Variants in KCNH7 observed in about 807,000 individuals in gnomAD.
KCNH7 encodes potassium voltage-gated channel subfamily H member 7.
In KCNH7, 49 loss-of-function variants were observed where a neutral mutation model predicts 120.8. The observed-to-expected ratio is 0.41, with a 90% CI of 0.32 to 0.51. KCNH7 has a LOEUF of 0.51. Among genes scored for constraint, KCNH7 ranks in the 20% least tolerant of loss-of-function variants. The pLI is 0.38. For synonymous variants in KCNH7, 547 were observed against 516.1 expected (o/e 1.06, Z -0.81); for missense variants, 1,097 against 1,446.6 (o/e 0.76, Z 3.92).
chr2:162,634,492 G>C (rs1366885581), intron 2 of KCNH7, among the ~76,000 whole-genome samples: 1 of 152,060 alleles, frequency 6.6e-6, no homozygotes, highest in East Asian at 1.9e-4. Context: ...AACAACTACA[G>C]TAGTATCAGC....
chr2:162,525,216 C>T (rs1051436810), intron 3 of KCNH7, among the ~76,000 whole-genome samples: 6 of 151,816 alleles, frequency 4.0e-5, no homozygotes, highest in Non-Finnish European at 8.8e-5. Flanking sequence ...AGGATAGGAC[C>T]AAATTGGAAT....
chr2:162,688,108 C>T (rs1685961614), intron 2 of KCNH7, among the ~76,000 whole-genome samples: 1 of 152,112 alleles, frequency 6.6e-6, no homozygotes, highest in African/African-American at 2.4e-5. Flanking sequence ...GAATACAGGG[C>T]TAACTCTATT....
At chr2:162,813,743 C>G (rs890630782) in intron 2 of KCNH7, among the ~76,000 whole-genome samples, 3 of 152,120 alleles carry the variant, frequency 2.0e-5, no homozygotes, top group Non-Finnish European at 2.9e-5. Context: ...CATGCCCTAG[C>G]TTTATTTAGG....
Position 162,577,327 on chromosome 2 carries a change from A to G in KCNH7, c.308-40247T>C, listed in dbSNP as rs867534550. ...TATCTATCTATCTATCTATCTATCTATCTGTCTATCATCTATCCATCCTAT... is the reference window on the plus strand; with the variant it reads ...TATCTATCTATCTATCTATCTATCTGTCTGTCTATCATCTATCCATCCTAT... On this transcript the variant is annotated intron_variant, in intron 2 of 15. Transcript: ENST00000332142. Among the ~76,000 whole-genome samples, 6 of 137,338 alleles carry G rather than the reference A, an allele frequency of 4.4e-5. 1 individual carries two copies. Among genetic ancestry groups the G allele is most frequent in the South Asian group, 2.3e-4 (1 of 4,366 alleles). The allele number at this position is 137,338 out of a possible 152,430, so 90.1% of individuals were successfully genotyped here.
At chr2:162,606,786 T>G (rs1682788128) in intron 2 of KCNH7, among the ~76,000 whole-genome samples, 1 of 152,154 alleles carries the variant, frequency 6.6e-6, no homozygotes, top group African/African-American at 2.4e-5. Flanking sequence ...AGTTATATAT[T>G]TTGATTCAAT....
chr2:162,645,552 T>C (rs1397393276), intron 2 of KCNH7, among the ~76,000 whole-genome samples: 1 of 152,182 alleles, frequency 6.6e-6, no homozygotes, highest in African/African-American at 2.4e-5. Flanking sequence ...TTATCATCTG[T>C]ATATCATCTC....
At chr2:162,633,306 T>A (rs1454108739) in intron 2 of KCNH7, among the ~76,000 whole-genome samples, 1 of 151,952 alleles carries the variant, frequency 6.6e-6, no homozygotes, top group Non-Finnish European at 1.5e-5. Flanking sequence ...TAAGGTTGTA[T>A]AGTTACATGT....
At chr2:162,592,876 T>C (rs1049965942) in intron 2 of KCNH7, among the ~76,000 whole-genome samples, 1 of 152,120 alleles carries the variant, frequency 6.6e-6, no homozygotes, top group Admixed American at 6.6e-5. Flanking sequence ...TGACATCCAC[T>C]AATCTACATC....
chr2:162,394,384 A>G lies in KCNH7; in HGVS notation c.2710+5T>C. The G allele has an allele frequency of 6.7e-7, 1 of 1,486,160 alleles. No individual in the cohort carries two copies. Among genetic ancestry groups the G allele is most frequent in the South Asian group, 1.1e-5 (1 of 88,128 alleles). 92.1% of individuals were successfully genotyped at this position (1,486,160 alleles called of 1,614,324 possible). ...CATTTAAACTTTAGGAATGGAATGAATTACCTTTCTCTCCTTCACTTTCAA... is the reference window on the plus strand; with the variant it reads ...CATTTAAACTTTAGGAATGGAATGAGTTACCTTTCTCTCCTTCACTTTCAA... On this transcript the variant is annotated splice_donor_5th_base_variant and intron_variant, in intron 12 of 15. Transcript: ENST00000332142.
intron 2 of KCNH7, among the ~76,000 whole-genome samples, chr2:162,597,124 A>G (rs937399107): frequency 9.9e-5 from 15 of 152,242 alleles, no homozygotes; most frequent in African/African-American, 3.6e-4. Flanking sequence ...CATCCATTTT[A>G]GAAAACAGTG....
intron 2 of KCNH7, 30 bp from the exon 3 acceptor site, chr2:162,537,110 A>T: frequency 6.4e-7 from 1 of 1,550,702 alleles, no homozygotes; most frequent in Non-Finnish European, 8.8e-7. Context: ...ATGTTAGTTA[A>T]AAATATGCCT....
chr2:162,546,222 C>T (rs74886314), intron 2 of KCNH7, among the ~76,000 whole-genome samples: 3,138 of 151,918 alleles, frequency 0.021, 101 homozygotes, highest in East Asian at 0.096. Context: ...AAGCTGAGGC[C>T]GATTTGCGGT....
intron 5 of KCNH7, among the ~76,000 whole-genome samples, chr2:162,508,976 T>A (rs1354606787): frequency 6.6e-6 from 1 of 151,516 alleles, no homozygotes; most frequent in African/African-American, 2.4e-5. Context: ...CAGAGAAGCA[T>A]TTGCAAGATG....
chr2:162,754,470 A>T (rs1688718457), intron 2 of KCNH7, among the ~76,000 whole-genome samples: 1 of 152,186 alleles, frequency 6.6e-6, no homozygotes, highest in South Asian at 2.1e-4. Flanking sequence ...AAATAGTTAA[A>T]ATAATTAGTG....
intron 2 of KCNH7, among the ~76,000 whole-genome samples, chr2:162,780,102 C>A (rs1019527406): frequency 1.3e-5 from 2 of 152,144 alleles, no homozygotes; most frequent in South Asian, 4.1e-4. Context: ...GAACAAAATT[C>A]TTCTTGTCTC....
At chr2:162,821,884 G>A (rs1685132242) in intron 2 of KCNH7, among the ~76,000 whole-genome samples, 1 of 151,794 alleles carries the variant, frequency 6.6e-6, no homozygotes, top group Non-Finnish European at 1.5e-5. Flanking sequence ...GTGAATTGAG[G>A]AACTTTTACT....
chr2:162,379,350 G>T (rs762308064), intron 14 of KCNH7, among the ~76,000 whole-genome samples: 2 of 152,138 alleles, frequency 1.3e-5, no homozygotes, highest in Non-Finnish European at 2.9e-5. Context: ...CATGTTAAGT[G>T]GTTTAGATCA....
At chr2:162,504,400 A>C in intron 6 of KCNH7, 43 bp downstream of exon 6, 4 of 1,425,112 alleles carry the variant, frequency 2.8e-6, no homozygotes, top group Non-Finnish European at 4.0e-6. Flanking sequence ...TGCAGAAACA[A>C]ACCTCTAAAA....
chr2:162,623,652 T>A (rs1251897213), intron 2 of KCNH7, among the ~76,000 whole-genome samples: 2 of 152,158 alleles, frequency 1.3e-5, no homozygotes, highest in Non-Finnish European at 2.9e-5. Flanking sequence ...TTATGTCACC[T>A]TGTACAAGTT....
Sources: allele counts gnomAD v4.1 joint callset (sites outside exome capture counted in the v4.1 genomes callset), GRCh38; gene constraint gnomAD v4.1.1; transcripts MANE v1.5; gene names NCBI Gene and HGNC (gene_info 2026-07-23, HGNC 2026-07-21).